Variants in ASPH observed in about 807,000 individuals in gnomAD.
The protein encoded by ASPH is aspartate beta-hydroxylase.
Under a neutral mutation model 118.4 loss-of-function variants are expected in ASPH, and 100 were observed. The ratio of observed to expected loss-of-function variants is 0.84; its 90% CI spans 0.72 to 1.00. ASPH has a LOEUF of 1.00. ASPH is among the 50% of genes least tolerant of loss of function. The pLI is 0.00. For synonymous variants in ASPH, 315 were observed against 325.6 expected (o/e 0.97, Z 0.35); for missense variants, 920 against 919.5 (o/e 1.00, Z -0.01).
rs148968174 is a variant in ASPH, at chr8:61,618,995, G to C, written c.959C>G (p.Pro320Arg). The C allele has an allele frequency of 2.3e-5, 37 of 1,604,464 alleles. No individual in the cohort carries two copies. In the African/African-American group the frequency reaches 4.4e-4, roughly 19 times the overall value. ...AATCTCACCTTTTGCTTTTTGTTCT[G>C]GATCATCTGTTTTTCTATTTGTTTC... The part of the protein sequence containing the change: ...PPETNRKTDD[P>R]EQKAKVKKKK... The change falls in exon 14 of 25, where the codon CCA (proline) becomes CGA (arginine). Residue 320 changes from proline (P) to arginine (R), a missense_variant. Physicochemically the swap from Pro to Arg is moderately radical, Grantham distance 103. Coordinates refer to ENST00000379454, the MANE Select transcript of ASPH (RefSeq NM_004318.4).
intron 14 of ASPH, among the ~76,000 whole-genome samples, chr8:61,597,913 C>A (rs1378748388): frequency 6.6e-6 from 1 of 152,310 alleles, no homozygotes; most frequent in East Asian, 1.9e-4. Flanking sequence ...AGGACAATAT[C>A]TGCCACCATG....
chr8:61,711,048 T>C (rs1837945269), intron 1 of ASPH, among the ~76,000 whole-genome samples: 1 of 150,594 alleles, frequency 6.6e-6, no homozygotes, highest in Non-Finnish European at 1.5e-5. Context: ...AGTGCTTATC[T>C]ATCAATAGTT....
Position 61,619,102 on chromosome 8 carries a change from T to C in ASPH, c.935-83A>G, listed in dbSNP as rs1051447927. On this transcript the variant is annotated intron_variant, in intron 13 of 24. Coordinates refer to ENST00000379454, the MANE Select transcript of ASPH (RefSeq NM_004318.4). The stretch of plus-strand genomic sequence containing the variant: ...AAATATAGGACAATATTTAAATGAA[T>C]TCAATAAGTATAATCAAAGAAAAAT... 5.1e-6 allele frequency: 5 copies of C among 984,682 alleles called. No homozygotes were observed. The African/African-American group carries it at 8.3e-5, about 16-fold the overall frequency. The allele number at this position is 984,682 out of a possible 1,614,324, so 61.0% of individuals were successfully genotyped here. A position where few individuals can be genotyped will look rare whatever the true frequency, so the allele number is the denominator to read the frequency against.
intron 4 of ASPH, 135 bp from the exon 5 acceptor site, chr8:61,651,259 T>C (rs553457148): frequency 4.0e-5 from 25 of 626,724 alleles, no homozygotes; most frequent in Admixed American, 3.5e-4. Flanking sequence ...GCCTTCTCTA[T>C]CAGCTTACAT....
At chr8:61,660,514 G>A (rs889986673) in intron 3 of ASPH, 4 of 152,100 alleles carry the variant, frequency 2.6e-5, no homozygotes, top group African/African-American at 9.7e-5. Context: ...GGTTGAAGAT[G>A]AGCACACGAG....
chr8:61,648,808 G>A (rs1001922999), intron 5 of ASPH, among the ~76,000 whole-genome samples: 1 of 152,178 alleles, frequency 6.6e-6, no homozygotes, highest in African/African-American at 2.4e-5. Flanking sequence ...CTGTGCTAAA[G>A]CCACATGGCT....
At position 61,644,540 on chromosome 8, in the gene ASPH, T is replaced by G. The variant is rs1806879922; in HGVS notation, c.652+60A>C. The G allele has an allele frequency of 5.6e-6, 7 of 1,255,008 alleles. No individual in the cohort carries two copies. The East Asian group carries it at 1.6e-4, about 28-fold the overall frequency. The allele number at this position is 1,255,008 out of a possible 1,614,324, so 77.7% of individuals were successfully genotyped here. ...TTAATAATAGATATTATGTATTTTA[T>G]GATGCCCTTTTAAAGGAAGACTCAC... On this transcript the variant is annotated intron_variant, in intron 7 of 24. Transcript: ENST00000379454.
chr8:61,577,399 CAAAAAAAAAAAAA>C (rs775523503), intron 15 of ASPH, among the ~76,000 whole-genome samples: 18 of 23,280 alleles, frequency 7.7e-4, no homozygotes, highest in South Asian at 4.3e-3. Context: ...CCCAATCTCG[CAAAAAAAAAAAAA>C]AAAAAAAAAA....
At chr8:61,577,880 G>A (rs1014553871) in intron 15 of ASPH, among the ~76,000 whole-genome samples, 1 of 152,150 alleles carries the variant, frequency 6.6e-6, no homozygotes, top group African/African-American at 2.4e-5. Flanking sequence ...TGGGGACACA[G>A]TGAAACCATA....
chr8:61,681,731 C>G (rs1217225112), intron 2 of ASPH, among the ~76,000 whole-genome samples: 1 of 151,754 alleles, frequency 6.6e-6, no homozygotes, highest in African/African-American at 2.4e-5. Flanking sequence ...GGGCTTAAAA[C>G]AGATATGCTG....
At position 61,652,284 on chromosome 8, in the gene ASPH, G is replaced by A. The variant is rs145130302; in HGVS notation, c.416-1160C>T. On this transcript the variant is annotated intron_variant, in intron 4 of 24. Transcript: ENST00000379454. ...ATCTGAGTTACTAGAAGTGGAGGGT[G>A]GTGCACTCTGCTCACTCTTTAATGG... 3.3e-5 allele frequency among the ~76,000 whole-genome samples: 5 copies of A among 152,238 alleles called. No individual in the cohort carries two copies. The East Asian group carries it at 9.7e-4, about 29-fold the overall frequency.
chr8:61,665,354 G>A, intron 3 of ASPH: 1 of 1,613,772 alleles, frequency 6.2e-7, no homozygotes, highest in South Asian at 1.1e-5. Context: ...CATTTTACTA[G>A]AAACATCCTT....
chr8:61,554,294 T>C (rs1827060807), intron 19 of ASPH, among the ~76,000 whole-genome samples: 1 of 152,202 alleles, frequency 6.6e-6, no homozygotes, highest in Non-Finnish European at 1.5e-5. Flanking sequence ...AAACTAGAAG[T>C]CTGCATAATT....
At chr8:61,665,620 C>A (rs1392225630) in intron 3 of ASPH, 1 of 1,547,572 alleles carries the variant, frequency 6.5e-7, no homozygotes, top group Admixed American at 2.3e-5. Flanking sequence ...TCAGATTTTC[C>A]AATTAAAGGA....
chr8:61,519,378 C>CA (rs898264189), intron 22 of ASPH, among the ~76,000 whole-genome samples: 1 of 152,018 alleles, frequency 6.6e-6, no homozygotes, highest in Admixed American at 6.6e-5. Context: ...CCACAAATCT[C>CA]AAAAAAATTT....
At chr8:61,687,275 T>C (rs775202616) in intron 1 of ASPH, 44 of 152,300 alleles carry the variant, frequency 2.9e-4, no homozygotes, top group East Asian at 5.8e-4. Context: ...ATTTAAGTTA[T>C]TGACTGTAAC....
intron 13 of ASPH, among the ~76,000 whole-genome samples, chr8:61,622,511 CT>C (rs1449576861): frequency 6.6e-6 from 1 of 152,210 alleles, no homozygotes; most frequent in Non-Finnish European, 1.5e-5. Context: ...TGTTCTTTCC[CT>C]GCACCAGGAC....
chr8:61,643,508 ATAAAT>A (rs1161311686), intron 8 of ASPH, 75 bp from the exon 9 acceptor site: 29 of 1,392,900 alleles, frequency 2.1e-5, no homozygotes, highest in Non-Finnish European at 2.9e-5. Flanking sequence ...TAGGAGATTC[ATAAAT>A]TAATTATCTT....
At position 61,714,528 on chromosome 8, in the gene ASPH, C is replaced by G. The variant is rs959722909; in HGVS notation, c.-157G>C. ...CTGTGCCTCAGCACCGCCTGCAGCA[C>G]CTGGGAAGACTTCACCCGCCTGCCG... On this transcript the variant is annotated 5_prime_UTR_variant, in exon 1 of 25. Transcript: ENST00000379454. 1 of 1,116,892 alleles carries G rather than the reference C, an allele frequency of 9.0e-7. No individual in the cohort carries two copies. The highest frequency in any genetic ancestry group is 1.2e-6 in the Non-Finnish European group (1 of 865,346). The allele number at this position is 1,116,892 out of a possible 1,614,324, so 69.2% of individuals were successfully genotyped here. A position where few individuals can be genotyped will look rare whatever the true frequency, so the allele number is the denominator to read the frequency against.
Sources: allele counts gnomAD v4.1 joint callset (sites outside exome capture counted in the v4.1 genomes callset), GRCh38; gene constraint gnomAD v4.1.1; transcripts MANE v1.5; gene names NCBI Gene and HGNC (gene_info 2026-07-23, HGNC 2026-07-21).